CAMTA1: variants seen among roughly 807,000 people sequenced by gnomAD.
CAMTA1 encodes calmodulin-binding transcription activator 1.
In CAMTA1, 27 loss-of-function variants were observed where a neutral mutation model predicts 170.9. The observed-to-expected ratio is 0.16, with a 90% CI of 0.12 to 0.22. The LOEUF is 0.22. CAMTA1 is among the 10% of genes least tolerant of loss of function. CAMTA1 has a pLI of 1.00. For missense variants in CAMTA1, 1,619 were observed against 2,217.2 expected (o/e 0.73, Z 5.42); for synonymous variants, 833 against 891.5 (o/e 0.93, Z 1.17).
chr1:7,706,138 G>T (rs1184863203), intron 11 of CAMTA1, among the ~76,000 whole-genome samples: 3 of 152,202 alleles, frequency 2.0e-5, no homozygotes, highest in African/African-American at 7.2e-5. Context: ...CCTCACCAGG[G>T]AAGGACGACA....
chr1:6,931,587 C>T (rs1047752874), intron 3 of CAMTA1, among the ~76,000 whole-genome samples: 1 of 152,200 alleles, frequency 6.6e-6, no homozygotes, highest in Admixed American at 6.5e-5. Flanking sequence ...TTCTGCCCAA[C>T]GAACTAACGA....
At chr1:7,496,430 G>A (rs954333431) in intron 6 of CAMTA1, among the ~76,000 whole-genome samples, 1 of 152,180 alleles carries the variant, frequency 6.6e-6, no homozygotes, top group South Asian at 2.1e-4. Context: ...AGTCCCGTGT[G>A]CACTGTCTGT....
chr1:7,168,257 T>G (rs940522958), intron 4 of CAMTA1, among the ~76,000 whole-genome samples: 1 of 152,246 alleles, frequency 6.6e-6, no homozygotes, highest in Non-Finnish European at 1.5e-5. Flanking sequence ...TTGAATTCTA[T>G]GTAGATAATT....
intron 11 of CAMTA1, among the ~76,000 whole-genome samples, chr1:7,712,265 A>G (rs759853956): frequency 4.6e-5 from 7 of 152,216 alleles, no homozygotes; most frequent in Non-Finnish European, 8.8e-5. Context: ...GTAAAGTTGC[A>G]TAGAATAAGT....
chr1:7,466,163 G>C (rs1424429296), intron 5 of CAMTA1, among the ~76,000 whole-genome samples: 1 of 152,216 alleles, frequency 6.6e-6, no homozygotes, highest in East Asian at 1.9e-4. Context: ...AAAATGTCTA[G>C]ACATGCGTCT....
intron 3 of CAMTA1, among the ~76,000 whole-genome samples, chr1:6,942,372 G>A (rs897085212): frequency 7.9e-5 from 12 of 152,064 alleles, no homozygotes; most frequent in Non-Finnish European, 1.5e-4. Context: ...GTTAAACCAT[G>A]GGCTCACTTG....
chr1:7,202,767 A>G (rs1656947323), intron 4 of CAMTA1, among the ~76,000 whole-genome samples: 2 of 152,214 alleles, frequency 1.3e-5, no homozygotes, highest in South Asian at 4.1e-4. Flanking sequence ...ATTAGTTCTC[A>G]TAGTGTTTTT....
At chr1:7,171,140 A>G (rs1253019552) in intron 4 of CAMTA1, among the ~76,000 whole-genome samples, 2 of 151,794 alleles carry the variant, frequency 1.3e-5, no homozygotes, top group East Asian at 3.8e-4. Flanking sequence ...CTTTTGAAAA[A>G]TGTTTTCAAC....
At chr1:7,627,920 A>T (rs1208704481) in intron 6 of CAMTA1, among the ~76,000 whole-genome samples, 1 of 152,194 alleles carries the variant, frequency 6.6e-6, no homozygotes, top group Non-Finnish European at 1.5e-5. Context: ...GGGGTTATTG[A>T]CACCAGAGGG....
intron 5 of CAMTA1, among the ~76,000 whole-genome samples, chr1:7,390,023 G>C (rs1239722942): frequency 2.0e-5 from 3 of 151,988 alleles, no homozygotes; most frequent in Non-Finnish European, 4.4e-5. Flanking sequence ...TGCCTGGCCT[G>C]CAGCCCTGAA....
At chr1:6,788,896 A>T (rs929489569) in intron 1 of CAMTA1, among the ~76,000 whole-genome samples, 1 of 152,092 alleles carries the variant, frequency 6.6e-6, no homozygotes, top group African/African-American at 2.4e-5. Context: ...TTTTCCTTTT[A>T]CCTTGTAGTG....
intron 11 of CAMTA1, among the ~76,000 whole-genome samples, chr1:7,716,424 G>A (rs548135444): frequency 6.6e-6 from 1 of 152,086 alleles, no homozygotes; most frequent in South Asian, 2.1e-4. Context: ...CCAGAATCCA[G>A]CTATTTATTT....
At chr1:6,922,084 A>G (rs969606025) in intron 3 of CAMTA1, among the ~76,000 whole-genome samples, 2 of 152,220 alleles carry the variant, frequency 1.3e-5, no homozygotes, top group Non-Finnish European at 2.9e-5. Flanking sequence ...AAGATACAAA[A>G]TATTTCTTCA....
At chr1:7,375,910 C>T (rs752042589) in intron 5 of CAMTA1, among the ~76,000 whole-genome samples, 22 of 152,184 alleles carry the variant, frequency 1.4e-4, no homozygotes, top group Non-Finnish European at 2.5e-4. Context: ...CCCTGTAGGA[C>T]AGGAAGCAGC....
intron 10 of CAMTA1, chr1:7,671,959 T>A (rs1226143915): frequency 2.2e-6 from 1 of 454,826 alleles, no homozygotes; most frequent in Non-Finnish European, 4.4e-6. Flanking sequence ...AATGAATGAG[T>A]CTCCAGGCAT....
intron 6 of CAMTA1, among the ~76,000 whole-genome samples, chr1:7,476,074 G>A (rs1040967902): frequency 6.6e-6 from 1 of 152,328 alleles, no homozygotes. Flanking sequence ...GGCCCTTGGC[G>A]TCCCTGTGAG....
intron 5 of CAMTA1, among the ~76,000 whole-genome samples, chr1:7,261,484 CG>C (rs1357006251): frequency 6.6e-6 from 1 of 152,174 alleles, no homozygotes; most frequent in Non-Finnish European, 1.5e-5. Flanking sequence ...AGATTTCCAA[CG>C]GAAGTGAGGT....
rs2150242073 is a variant in CAMTA1, at chr1:7,559,150, G to T, written c.511-81250G>T. Among the ~76,000 whole-genome samples the T allele has an allele frequency of 1.3e-5, 2 of 152,270 alleles. 1 individual carries two copies. Among genetic ancestry groups the T allele is most frequent in the East Asian group, 3.9e-4 (2 of 5,168 alleles). On this transcript the variant is annotated intron_variant, in intron 6 of 22. Coordinates refer to ENST00000303635, the MANE Select transcript of CAMTA1 (RefSeq NM_015215.4). ...ACCGGTGGTGCTGTCTGGCACGGAG[G>T]CCGGCTGTAGGCATTGCCGCCACCC... is the stretch of plus-strand genomic sequence containing the variant.
intron 3 of CAMTA1, among the ~76,000 whole-genome samples, chr1:6,958,704 C>T (rs1689888149): frequency 6.6e-6 from 1 of 152,246 alleles, no homozygotes; most frequent in Non-Finnish European, 1.5e-5. Context: ...TCCACCACCC[C>T]TCTGCAGCTT....
Sources: gnomAD v4.1 joint callset for allele counts (sites outside exome capture counted in the v4.1 genomes callset) on GRCh38, gnomAD v4.1.1 for gene constraint, MANE v1.5 for transcripts, NCBI Gene and HGNC (gene_info 2026-07-23, HGNC 2026-07-21) for gene names.